The following TNPO3 variants were observed in gnomAD, a reference collection of about 807,000 sequenced individuals.
The protein encoded by TNPO3 is transportin-3.
Under a neutral mutation model 122.8 loss-of-function variants are expected in TNPO3, and 65 were observed. That is an observed-to-expected ratio of 0.53 (90% confidence interval 0.43 to 0.65). The LOEUF is 0.65. TNPO3 is among the 30% of genes least tolerant of loss of function. The probability of loss-of-function intolerance (pLI) is 0.00; values close to 1 mark genes in which losing one functional copy is unlikely to be tolerated. For synonymous variants in TNPO3, 372 were observed against 411.2 expected, an observed-to-expected ratio of 0.90 and a Z score of 1.15; for missense variants, 850 against 1,136.7, an observed-to-expected ratio of 0.75 and a Z score of 3.63.
chr7:129,046,366 G>C (rs1434845930), intron 1 of TNPO3, among the ~76,000 whole-genome samples: 2 of 152,126 alleles, frequency 1.3e-5, no homozygotes, highest in African/African-American at 2.4e-5. Flanking sequence ...GTTTCTATCA[G>C]TGCAAGGCAC....
chr7:129,049,456 T>C (rs1808447720), intron 1 of TNPO3, among the ~76,000 whole-genome samples: 1 of 152,196 alleles, frequency 6.6e-6, no homozygotes, highest in African/African-American at 2.4e-5. Context: ...ATGATAGATC[T>C]TGGAATCCAC....
intron 14 of TNPO3, among the ~76,000 whole-genome samples, chr7:128,981,211 T>C (rs913362413): frequency 6.6e-6 from 1 of 152,250 alleles, no homozygotes; most frequent in African/African-American, 2.4e-5. Context: ...GAGAGAAAGA[T>C]ATCTGTTGAC....
At chr7:129,048,638 G>A (rs1399318349) in intron 1 of TNPO3, among the ~76,000 whole-genome samples, 2 of 148,708 alleles carry the variant, frequency 1.3e-5, no homozygotes, top group Admixed American at 1.3e-4. Flanking sequence ...ATCTCATAAA[G>A]GATTTAAAAA....
chr7:128,968,495 T>G (rs1798137588), intron 20 of TNPO3, among the ~76,000 whole-genome samples: 1 of 152,200 alleles, frequency 6.6e-6, no homozygotes, highest in South Asian at 2.1e-4. Flanking sequence ...ATCCCTTTCT[T>G]AAGTGGAATG....
chr7:129,035,381 T>A (rs1806511038), intron 1 of TNPO3, among the ~76,000 whole-genome samples: 1 of 152,162 alleles, frequency 6.6e-6, no homozygotes, highest in South Asian at 2.1e-4. Flanking sequence ...GGTGGGAGGA[T>A]CACTTGAAGC....
chr7:129,021,780 G>A (rs1473469820), intron 1 of TNPO3, among the ~76,000 whole-genome samples: 3 of 151,702 alleles, frequency 2.0e-5, no homozygotes, highest in African/African-American at 4.8e-5. Context: ...TACAAGATAC[G>A]GAAGAATAGA....
In TNPO3 at chr7:128,994,010, C is replaced by A; in HGVS notation, c.1159-96G>T. The A allele has an allele frequency of 2.6e-6, 3 of 1,156,452 alleles. No homozygotes were observed. The South Asian group carries it at 4.4e-5, about 17-fold the overall frequency. 71.6% of individuals were successfully genotyped at this position (1,156,452 alleles called of 1,614,324 possible). ...AAGAAGAAAAAAACCATTAAGCAGT[C>A]AAGTTTCAATGAACAAAAGTTGCCT... On this transcript the variant is annotated intron_variant, in intron 8 of 22. Transcript: ENST00000265388.
At chr7:129,054,184 G>GA in intron 1 of TNPO3, among the ~76,000 whole-genome samples, 1 of 152,296 alleles carries the variant, frequency 6.6e-6, no homozygotes, top group African/African-American at 2.4e-5. Context: ...GACTCAAACT[G>GA]GAGTGAAAAT....
chr7:129,005,281 G>T, intron 4 of TNPO3, 122 bp from the exon 5 acceptor site: 2 of 952,680 alleles, frequency 2.1e-6, no homozygotes, highest in South Asian at 3.9e-5. Context: ...GGTTAAAAGT[G>T]CTTTTTAAGT....
intron 8 of TNPO3, among the ~76,000 whole-genome samples, chr7:128,996,081 T>C (rs1457059328): frequency 6.6e-6 from 1 of 152,162 alleles, no homozygotes; most frequent in Non-Finnish European, 1.5e-5. Context: ...TGTGTGGAGA[T>C]ACAAAATACC....
At chr7:129,015,617 G>A (rs925267443) in intron 3 of TNPO3, among the ~76,000 whole-genome samples, 7 of 151,880 alleles carry the variant, frequency 4.6e-5, no homozygotes, top group South Asian at 2.1e-4. Flanking sequence ...GGAGGATCAC[G>A]AGTCCACAAG....
At position 128,970,149 on chromosome 7, in the gene TNPO3, G is replaced by A. The variant is rs199600419; in HGVS notation, c.2597C>T (p.Pro866Leu). 44 of 1,613,954 alleles carry A rather than the reference G, an allele frequency of 2.7e-5. No homozygotes were observed. The highest frequency in any genetic ancestry group is 2.5e-4 in the South Asian group (23 of 91,064). Residue 866 changes from proline to leucine, a missense_variant and splice_region_variant, in exon 20 of 23, where the codon CCG becomes CTG. Coordinates refer to ENST00000265388, the MANE Select transcript of TNPO3 (RefSeq NM_012470.4). ...AATTCCTCATGAAAACAATCTTACCGGTCTGTCAACCTGCATGATCTCCCA... is the reference window on the plus strand; with the variant it reads ...AATTCCTCATGAAAACAATCTTACCAGTCTGTCAACCTGCATGATCTCCCA... ...VLWEIMQVDRPTFCRWLENSL... is the reference protein window; with the variant it reads ...VLWEIMQVDRLTFCRWLENSL...
At chr7:129,037,392 A>G (rs932441556) in intron 1 of TNPO3, among the ~76,000 whole-genome samples, 1 of 152,234 alleles carries the variant, frequency 6.6e-6, no homozygotes, top group Non-Finnish European at 1.5e-5. Context: ...CTCATCTACG[A>G]CAGGACAGAG....
chr7:129,004,259 A>G (rs1802331467), intron 5 of TNPO3, among the ~76,000 whole-genome samples: 1 of 152,216 alleles, frequency 6.6e-6, no homozygotes, highest in African/African-American at 2.4e-5. Flanking sequence ...CATTCACAAT[A>G]CATGCAGCTT....
At chr7:129,037,775 G>A (rs1022885252) in intron 1 of TNPO3, among the ~76,000 whole-genome samples, 7 of 152,058 alleles carry the variant, frequency 4.6e-5, no homozygotes, top group Non-Finnish European at 7.4e-5. Context: ...TGCACTAAGC[G>A]TAAAAGAAAA....
At chr7:129,011,275 G>A (rs1205292636) in intron 4 of TNPO3, among the ~76,000 whole-genome samples, 3 of 152,198 alleles carry the variant, frequency 2.0e-5, no homozygotes, top group African/African-American at 7.2e-5. Flanking sequence ...CAGAATGTGG[G>A]ACTGTGACTA....
Position 128,972,529 on chromosome 7 carries a change from A to G in TNPO3, c.2327T>C (p.Ile776Thr), listed in dbSNP as rs145207244. The change falls in exon 19 of 23, where the codon ATC (isoleucine) becomes ACC (threonine). Residue 776 changes from isoleucine to threonine, a missense_variant. Transcript: ENST00000265388. ...TLLRSQVVIP[I>T]LQWAIASTTL... ...AGTAGAGGCAATGGCCCACTGTAAG[A>G]TAGGGATGACCACTTGGCTCCGCAG... 1 of 1,614,044 alleles carries G rather than the reference A, an allele frequency of 6.2e-7. No individual in the cohort carries two copies. The highest frequency in any genetic ancestry group is 1.3e-5 in the African/African-American group (1 of 74,910).
In TNPO3 at chr7:128,972,576, A is replaced by T. The variant is rs142359170; in HGVS notation, c.2280T>A (p.Ile760=). The stretch of plus-strand genomic sequence containing the variant: ...GCAGCAAGGTGACAGGGCTACGCTG[A>T]ATAAACCTGGTGTGGAAAGTGAGAC... The part of the protein sequence containing the change: ...DDLFRLATRF[I]QRSPVTLLRS... The change falls in exon 19 of 23, where the codon ATT becomes ATA. Residue 760 remains isoleucine (I), a synonymous_variant. Transcript: ENST00000265388. 6.2e-7 allele frequency: 1 copy of T among 1,613,266 alleles called. No individual in the cohort carries two copies. Among genetic ancestry groups the T allele is most frequent in the Non-Finnish European group, 8.5e-7 (1 of 1,179,694 alleles).
intron 1 of TNPO3, among the ~76,000 whole-genome samples, chr7:129,053,494 CA>C (rs752196402): frequency 0.16 from 9,231 of 59,538 alleles, 483 homozygotes; most frequent in African/African-American, 0.34. Context: ...GACTCTGTCT[CA>C]AAAAAAAAAA....
Sources: allele counts gnomAD v4.1 joint callset (sites outside exome capture counted in the v4.1 genomes callset), GRCh38; gene constraint gnomAD v4.1.1; transcripts MANE v1.5; gene names NCBI Gene and HGNC (gene_info 2026-07-23, HGNC 2026-07-21).